PRKAG2: variants seen among roughly 807,000 people sequenced by gnomAD.
PRKAG2 encodes 5'-AMP-activated protein kinase subunit gamma-2.
Under a neutral mutation model 69.6 loss-of-function variants are expected in PRKAG2, and 26 were observed. The ratio of observed to expected loss-of-function variants is 0.37; its 90% CI spans 0.27 to 0.52. PRKAG2 has a LOEUF of 0.52. Ranked by LOEUF, PRKAG2 falls within the 20% of genes least tolerant of loss-of-function variation. The pLI is 0.90. For synonymous variants in PRKAG2, 293 were observed against 285.0 expected (o/e 1.03, Z -0.28); for missense variants, 557 against 740.0 (o/e 0.75, Z 2.87).
intron 1 of PRKAG2, among the ~76,000 whole-genome samples, chr7:151,819,002 C>A (rs2078709861): frequency 6.6e-6 from 1 of 152,242 alleles, no homozygotes. Context: ...CCGTGAACAT[C>A]CTTGTTGAAA....
At chr7:151,685,639 T>C (rs1834603887) in intron 3 of PRKAG2, among the ~76,000 whole-genome samples, 1 of 152,006 alleles carries the variant, frequency 6.6e-6, no homozygotes, top group Admixed American at 6.6e-5. Context: ...CATGGTGGCC[T>C]GTGCCCTTGG....
intron 1 of PRKAG2, among the ~76,000 whole-genome samples, chr7:151,794,453 C>T (rs373030786): frequency 1.6e-4 from 25 of 152,362 alleles, no homozygotes; most frequent in African/African-American, 6.0e-4. Context: ...TGGTGGGAAA[C>T]GAGACCAGAG....
chr7:151,777,252 GCCTGTGCCTGCGT>G lies in PRKAG2; in HGVS notation c.466+3887_466+3899del, dbSNP rs1261242277. The stretch of plus-strand genomic sequence containing the variant: ...TGGACACCAGCAGAGTCATCCCCAG[GCCTGTGCCTGCGT>G]TCCCTCACTGTGAGCACAGTGTCTG... On this transcript the variant is annotated intron_variant, in intron 3 of 15. Transcript: ENST00000287878. The surrounding 1 kb of genome is among the most constrained non-coding windows in gnomAD (Gnocchi z 4.3). Among the ~76,000 whole-genome samples the G allele has an allele frequency of 2.0e-5, 3 of 152,202 alleles. No homozygotes were observed. The highest frequency in any genetic ancestry group is 4.4e-5 in the Non-Finnish European group (3 of 68,042).
rs1466729663 is a variant in PRKAG2, at chr7:151,874,510, T to TATGTATATGTATATG, written c.114+1982_114+1996dup. Among the ~76,000 whole-genome samples, 82 of 111,094 alleles carry TATGTATATGTATATG rather than the reference T, an allele frequency of 7.4e-4. 3 individuals are homozygous for TATGTATATGTATATG. The highest frequency in any genetic ancestry group is 3.2e-3 in the African/African-American group (78 of 24,608). The allele number at this position is 111,094 out of a possible 152,430, so 72.9% of individuals were successfully genotyped here. ...ATATGATGTATATGTATATGATGTA[T>TATGTATATGTATATG]ATGTATATGTATATGATGTATATGT... On this transcript the variant is annotated intron_variant, in intron 1 of 15. Transcript: ENST00000287878.
rs371862197 is a variant in PRKAG2 at position 151,675,882 on chromosome 7, AGCC to A, written c.467-248_467-246del. 1.6e-3 allele frequency among the ~76,000 whole-genome samples: 246 copies of A among 152,286 alleles called. 1 individual carries two copies. The highest frequency in any genetic ancestry group is 5.7e-3 in the African/African-American group (235 of 41,556). On this transcript the variant is annotated intron_variant, in intron 3 of 15. Coordinates refer to ENST00000287878, the MANE Select transcript of PRKAG2 (RefSeq NM_016203.4). ...GTGCCCAAAACCTCAAATGGCAAGA[AGCC>A]AAATTATTCTGAATGTTGAGGAAAA...
At chr7:151,594,115 G>A (rs1322110779) in intron 6 of PRKAG2, among the ~76,000 whole-genome samples, 1 of 152,160 alleles carries the variant, frequency 6.6e-6, no homozygotes, top group South Asian at 2.1e-4. Context: ...GCTATGGGAG[G>A]GGGTGGATAC....
chr7:151,621,514 CACAAAACAAA>C (rs373031474), intron 5 of PRKAG2, among the ~76,000 whole-genome samples: 1 of 151,984 alleles, frequency 6.6e-6, no homozygotes, highest in Non-Finnish European at 1.5e-5. Flanking sequence ...GAGACCCTGT[CACAAAACAAA>C]ACAAAACAAA....
intron 1 of PRKAG2, among the ~76,000 whole-genome samples, chr7:151,826,722 C>T (rs1352316687): frequency 2.0e-5 from 3 of 152,242 alleles, no homozygotes; most frequent in African/African-American, 7.2e-5. Flanking sequence ...CTCAAATACA[C>T]GGAGCCCTCT....
Position 151,606,465 on chromosome 7 carries a change from TACA to T in PRKAG2, c.755-11014_755-11012del, listed in dbSNP as rs200217079. On this transcript the variant is annotated intron_variant, in intron 5 of 15. Coordinates refer to ENST00000287878, the MANE Select transcript of PRKAG2 (RefSeq NM_016203.4). ...TGAAAATGAGTGTAATTTGGAGTTA[TACA>T]ACAACAACAACAAAACCCACCCAAA... 1.8e-4 allele frequency among the ~76,000 whole-genome samples: 27 copies of T among 152,240 alleles called. 1 individual carries two copies. In the East Asian group the frequency reaches 2.5e-3, roughly 14 times the overall value.
chr7:151,609,664 C>A (rs1057296019), intron 5 of PRKAG2, among the ~76,000 whole-genome samples: 1 of 152,088 alleles, frequency 6.6e-6, no homozygotes, highest in Admixed American at 6.5e-5. Flanking sequence ...AGAAGCAGAG[C>A]GTGAGGACTC....
chr7:151,590,591 CCAG>C (rs1812828012), intron 6 of PRKAG2, among the ~76,000 whole-genome samples: 1 of 152,184 alleles, frequency 6.6e-6, no homozygotes, highest in African/African-American at 2.4e-5. Flanking sequence ...ACTCGAAAGC[CCAG>C]TGACAGGCTT....
intron 3 of PRKAG2, among the ~76,000 whole-genome samples, chr7:151,720,809 T>G (rs1586046882): frequency 6.0e-5 from 5 of 83,830 alleles, no homozygotes; most frequent in Admixed American, 1.4e-4. Context: ...GAGAGGGCAA[T>G]GGAGGGTTTG....
intron 3 of PRKAG2, among the ~76,000 whole-genome samples, chr7:151,759,696 C>G (rs1487779798): frequency 6.6e-6 from 1 of 152,214 alleles, no homozygotes; most frequent in African/African-American, 2.4e-5. Context: ...GCTCCCAGCA[C>G]CAGACTCAGC....
rs553537720 is a variant in PRKAG2, at chr7:151,766,923, G to A, written c.466+14229C>T. Among the ~76,000 whole-genome samples the A allele has an allele frequency of 5.9e-5, 9 of 152,270 alleles. 1 individual carries two copies. The South Asian group carries it at 8.3e-4, about 14-fold the overall frequency. On this transcript the variant is annotated intron_variant, in intron 3 of 15. Coordinates refer to ENST00000287878, the MANE Select transcript of PRKAG2 (RefSeq NM_016203.4). Reference sequence around the variant, plus strand: ...TGGGTTGAATTGTGTCCCTCCAAAAGTCACATGTTGAAATCCTAACTCACA... The same window carrying A: ...TGGGTTGAATTGTGTCCCTCCAAAAATCACATGTTGAAATCCTAACTCACA...
At chr7:151,700,120 C>G (rs1253402430) in intron 3 of PRKAG2, among the ~76,000 whole-genome samples, 1 of 152,160 alleles carries the variant, frequency 6.6e-6, no homozygotes. Flanking sequence ...TGCATCATTG[C>G]AAAATGATGT....
intron 6 of PRKAG2, among the ~76,000 whole-genome samples, chr7:151,588,550 C>T (rs34353342): frequency 0.53 from 80,419 of 151,366 alleles, 22,106 homozygotes; most frequent in East Asian, 0.81. Flanking sequence ...TTTAGGAGGA[C>T]GGTTTCGCCA....
chr7:151,849,639 C>T (rs1209890297), intron 1 of PRKAG2, among the ~76,000 whole-genome samples: 1 of 152,144 alleles, frequency 6.6e-6, no homozygotes, highest in Non-Finnish European at 1.5e-5. Context: ...GTGGGGGACC[C>T]TTCCGTGCCT....
intron 3 of PRKAG2, among the ~76,000 whole-genome samples, chr7:151,728,124 C>T (rs1798306826): frequency 6.6e-6 from 1 of 152,216 alleles, no homozygotes; most frequent in South Asian, 2.1e-4. Flanking sequence ...TGGGGACTTG[C>T]ACCCCAACCA....
At chr7:151,855,502 CCA>C (rs1489375676) in intron 1 of PRKAG2, among the ~76,000 whole-genome samples, 1 of 52,746 alleles carries the variant, frequency 1.9e-5, no homozygotes, top group Non-Finnish European at 4.4e-5. Flanking sequence ...ACACCACCCT[CCA>C]CACACACCGC....
Sources: allele counts gnomAD v4.1 joint callset (sites outside exome capture counted in the v4.1 genomes callset), GRCh38; gene constraint gnomAD v4.1.1; non-coding constraint Gnocchi (gnomAD v3.1); transcripts MANE v1.5; gene names NCBI Gene and HGNC (gene_info 2026-07-23, HGNC 2026-07-21).